NAV2: variants seen among roughly 807,000 people sequenced by gnomAD.
The protein encoded by NAV2 is neuron navigator 2, also known as helicase, APC down-regulated 1.
NAV2 carries 54 observed loss-of-function variants against 223.2 expected under a neutral mutation model. The observed-to-expected ratio is 0.24, with a 90% CI of 0.19 to 0.30. NAV2 has a LOEUF of 0.30. Ranked by LOEUF, NAV2 falls within the 10% of genes least tolerant of loss-of-function variation. The pLI is 1.00. For missense variants in NAV2, 2,806 were observed against 3,147.5 expected, an observed-to-expected ratio of 0.89 and a Z score of 2.60; for synonymous variants, 1,279 against 1,239.3, an observed-to-expected ratio of 1.03 and a Z score of -0.67.
chr11:19,469,555 T>C (rs1016675032), intron 1 of NAV2, among the ~76,000 whole-genome samples: 1 of 152,188 alleles, frequency 6.6e-6, no homozygotes, highest in Non-Finnish European at 1.5e-5. Flanking sequence ...TTCACCCTCC[T>C]GAATATTCTG....
chr11:19,860,203 T>G (rs1371675760), intron 3 of NAV2, among the ~76,000 whole-genome samples: 2 of 140,756 alleles, frequency 1.4e-5, no homozygotes, highest in African/African-American at 2.7e-5. Context: ...ACGGGGTGGC[T>G]GCCGGGCGGA....
intron 1 of NAV2, among the ~76,000 whole-genome samples, chr11:19,366,354 G>A (rs1342054409): frequency 2.0e-5 from 3 of 152,192 alleles, no homozygotes; most frequent in African/African-American, 7.2e-5. Context: ...AGGAGGGTGT[G>A]GATGGCTTCT....
intron 1 of NAV2, among the ~76,000 whole-genome samples, chr11:19,514,170 A>C (rs2043366576): frequency 6.6e-6 from 1 of 152,088 alleles, no homozygotes; most frequent in Non-Finnish European, 1.5e-5. Flanking sequence ...GCTGGGGGCT[A>C]TTCTGCCTCA....
chr11:20,091,127 C>G, intron 27 of NAV2, 109 bp downstream of exon 27: 1 of 1,178,094 alleles, frequency 8.5e-7, no homozygotes, highest in Non-Finnish European at 1.2e-6. Flanking sequence ...TGGCGGCCCT[C>G]GCTTTCCCAG....
chr11:20,072,542 T>C (rs960040619), intron 22 of NAV2, among the ~76,000 whole-genome samples: 4 of 152,212 alleles, frequency 2.6e-5, no homozygotes, highest in African/African-American at 4.8e-5. Context: ...GCCATTTTCA[T>C]GATATTGATT....
chr11:19,611,896 G>A (rs1442689177), intron 1 of NAV2, among the ~76,000 whole-genome samples: 1 of 152,220 alleles, frequency 6.6e-6, no homozygotes, highest in Non-Finnish European at 1.5e-5. Flanking sequence ...TCTGTGTGGG[G>A]GATCCCACCC....
Position 19,588,979 on chromosome 11 carries a change from C to T in NAV2, c.75+237952C>T, listed in dbSNP as rs139479126. ...GTTCTCCTAGGCCTCTGGGATGCCT[C>T]CCATGGAGATCTGGGCACAGAGGGC... is the stretch of plus-strand genomic sequence containing the variant. On this transcript the variant is annotated intron_variant, in intron 1 of 37. Transcript: ENST00000360655. 6.7e-3 allele frequency among the ~76,000 whole-genome samples: 1,021 copies of T among 152,274 alleles called. 9 individuals are homozygous for T. Among genetic ancestry groups the T allele is most frequent in the Middle Eastern group, 0.02 (6 of 294 alleles).
intron 1 of NAV2, among the ~76,000 whole-genome samples, chr11:19,509,772 AT>A (rs965196879): frequency 6.6e-5 from 10 of 152,106 alleles, no homozygotes; most frequent in African/African-American, 2.2e-4. Flanking sequence ...AGAAAATGAA[AT>A]TTTATTCTAA....
intron 1 of NAV2, among the ~76,000 whole-genome samples, chr11:19,476,165 G>A (rs187835276): frequency 2.9e-4 from 44 of 152,238 alleles, no homozygotes; most frequent in African/African-American, 1.0e-3. Context: ...AGTAGAGACG[G>A]GGTTTCACCA....
chr11:19,940,526 G>T (rs1380998126), intron 8 of NAV2, among the ~76,000 whole-genome samples: 1 of 152,150 alleles, frequency 6.6e-6, no homozygotes, highest in African/African-American at 2.4e-5. Flanking sequence ...TTCTAGTCAG[G>T]GAAATGAGTG....
chr11:19,996,509 C>T (rs1481983635), intron 11 of NAV2, among the ~76,000 whole-genome samples: 1 of 152,218 alleles, frequency 6.6e-6, no homozygotes, highest in African/African-American at 2.4e-5. Flanking sequence ...CTTAGGGATG[C>T]TTGAAGCTGT....
At chr11:19,973,792 A>C (rs1427512050) in intron 10 of NAV2, among the ~76,000 whole-genome samples, 1 of 152,224 alleles carries the variant, frequency 6.6e-6, no homozygotes, top group East Asian at 1.9e-4. Context: ...GAGGAAGAGC[A>C]TCTGATTATG....
chr11:19,804,742 A>G (rs1247353125), intron 1 of NAV2, among the ~76,000 whole-genome samples: 1 of 152,248 alleles, frequency 6.6e-6, no homozygotes, highest in Non-Finnish European at 1.5e-5. Context: ...GATAATGATC[A>G]TAGATCCTGC....
chr11:19,406,003 TG>T (rs1183085996), intron 1 of NAV2, among the ~76,000 whole-genome samples: 2 of 152,022 alleles, frequency 1.3e-5, no homozygotes, highest in Non-Finnish European at 2.9e-5. Context: ...CATTGGTCGG[TG>T]GGGAAGGGAG....
intron 1 of NAV2, among the ~76,000 whole-genome samples, chr11:19,828,077 G>A (rs2059738727): frequency 6.6e-6 from 1 of 152,184 alleles, no homozygotes; most frequent in African/African-American, 2.4e-5. Context: ...CAGGGAAGCT[G>A]GCTGAGTTCG....
intron 1 of NAV2, among the ~76,000 whole-genome samples, chr11:19,621,775 A>C (rs1258417176): frequency 6.6e-6 from 1 of 151,898 alleles, no homozygotes; most frequent in Admixed American, 6.6e-5. Flanking sequence ...CTCTGATCTT[A>C]GTTATTTCTT....
At chr11:19,873,486 G>T (rs530496785) in intron 4 of NAV2, among the ~76,000 whole-genome samples, 1 of 152,208 alleles carries the variant, frequency 6.6e-6, no homozygotes, top group Admixed American at 6.5e-5. Context: ...TGCAGACATT[G>T]GATAAACAAA....
chr11:19,717,264 C>T (rs866950165), intron 1 of NAV2, among the ~76,000 whole-genome samples: 2 of 152,346 alleles, frequency 1.3e-5, no homozygotes, highest in South Asian at 4.1e-4. Flanking sequence ...GCAAATAGGA[C>T]ATGGCCTGGG....
intron 4 of NAV2, among the ~76,000 whole-genome samples, chr11:19,877,732 A>G (rs1008796763): frequency 6.6e-6 from 1 of 151,950 alleles, no homozygotes; most frequent in African/African-American, 2.4e-5. Context: ...TCGGCCTCCC[A>G]AAGTGCTGGG....
Sources: gnomAD v4.1 joint callset for allele counts (sites outside exome capture counted in the v4.1 genomes callset) on GRCh38, gnomAD v4.1.1 for gene constraint, MANE v1.5 for transcripts, NCBI Gene and HGNC (gene_info 2026-07-23, HGNC 2026-07-21) for gene names.